The following KCNH8 variants were observed in gnomAD, a reference collection of about 807,000 sequenced individuals.
The protein encoded by KCNH8 is voltage-gated delayed rectifier potassium channel KCNH8.
Under a neutral mutation model 103.6 loss-of-function variants are expected in KCNH8, and 70 were observed. The ratio of observed to expected loss-of-function variants is 0.68; its 90% CI spans 0.56 to 0.82. The LOEUF is 0.82. Ranked by LOEUF, KCNH8 falls within the 40% of genes least tolerant of loss-of-function variation. KCNH8 has a pLI of 0.00. For synonymous variants in KCNH8, 498 were observed against 489.4 expected (o/e 1.02, Z -0.23); for missense variants, 1,217 against 1,329.9 (o/e 0.92, Z 1.32).
intron 11 of KCNH8, among the ~76,000 whole-genome samples, chr3:19,457,933 G>GT (rs1219257822): frequency 6.6e-6 from 1 of 151,980 alleles, no homozygotes; most frequent in Non-Finnish European, 1.5e-5. Context: ...AAGATGACCA[G>GT]TTTTGCATAT....
chr3:19,425,600 T>G (rs2067017541), intron 7 of KCNH8, among the ~76,000 whole-genome samples: 1 of 152,106 alleles, frequency 6.6e-6, no homozygotes, highest in Non-Finnish European at 1.5e-5. Context: ...CCTTCAGTAG[T>G]AGTGGAAGGA....
chr3:19,211,637 G>T (rs1404467444), intron 1 of KCNH8, among the ~76,000 whole-genome samples: 1 of 152,084 alleles, frequency 6.6e-6, no homozygotes, highest in Non-Finnish European at 1.5e-5. Flanking sequence ...TTACTTGCTA[G>T]CTAGCCAGTT....
chr3:19,340,674 A>G lies in KCNH8; in HGVS notation c.443-1913A>G, dbSNP rs969071467. 4.6e-5 allele frequency among the ~76,000 whole-genome samples: 7 copies of G among 152,116 alleles called. No homozygotes were observed. In the East Asian group the frequency reaches 1.3e-3, roughly 29 times the overall value. On this transcript the variant is annotated intron_variant, in intron 3 of 15. Coordinates refer to ENST00000328405, the MANE Select transcript of KCNH8 (RefSeq NM_144633.3). The stretch of plus-strand genomic sequence containing the variant: ...TTGGATTAAAAATTTAAATGTTAAA[A>G]CTTTTTAAAGTAAGGGCAAAGTATA...
chr3:19,483,769 T>G (rs1264537318), intron 11 of KCNH8, among the ~76,000 whole-genome samples: 14 of 152,206 alleles, frequency 9.2e-5, no homozygotes, highest in African/African-American at 3.4e-4. Flanking sequence ...CCCCATCGAT[T>G]CCTAAGGTCA....
chr3:19,442,729 A>G (rs1350068034), intron 8 of KCNH8, among the ~76,000 whole-genome samples: 1 of 152,132 alleles, frequency 6.6e-6, no homozygotes, highest in African/African-American at 2.4e-5. Flanking sequence ...AAAGCTTTTC[A>G]TATTTGTGTT....
At chr3:19,280,434 C>T (rs2064740673) in intron 2 of KCNH8, among the ~76,000 whole-genome samples, 1 of 152,038 alleles carries the variant, frequency 6.6e-6, no homozygotes, top group Admixed American at 6.6e-5. Context: ...ATCACAATTT[C>T]CCCAAAGTAA....
intron 15 of KCNH8, among the ~76,000 whole-genome samples, chr3:19,524,222 C>A (rs1461045783): frequency 6.6e-6 from 1 of 151,798 alleles, no homozygotes; most frequent in East Asian, 1.9e-4. Flanking sequence ...CAGGTCATTC[C>A]AAGATTTGTC....
intron 1 of KCNH8, among the ~76,000 whole-genome samples, chr3:19,210,383 G>T (rs1374464042): frequency 1.3e-5 from 2 of 151,906 alleles, no homozygotes; most frequent in Non-Finnish European, 2.9e-5. Context: ...TTAGCTGTGG[G>T]ATGATTAACA....
At chr3:19,168,011 CTT>C (rs752541967) in intron 1 of KCNH8, among the ~76,000 whole-genome samples, 28 of 135,656 alleles carry the variant, frequency 2.1e-4, no homozygotes, top group Non-Finnish European at 2.6e-4. Context: ...CTCTCCACTT[CTT>C]TTTTTTTTTT....
Position 19,515,182 on chromosome 3 carries a change from C to T in KCNH8, c.2436-140C>T, listed in dbSNP as rs1244646525. 3 of 430,250 alleles carry T rather than the reference C, an allele frequency of 7.0e-6. No homozygotes were observed. The Admixed American group carries it at 1.3e-4, about 19-fold the overall frequency. The allele number at this position is 430,250 out of a possible 1,614,324, so 26.7% of individuals were successfully genotyped here. A position where few individuals can be genotyped will look rare whatever the true frequency, so the allele number is the denominator to read the frequency against. On this transcript the variant is annotated intron_variant, in intron 13 of 15. Transcript: ENST00000328405. ...TCAAGTACTCAATAGCAATATAAGGCTAATGGTTACTATATTGAATAGCTC... is the reference window on the plus strand; with the variant it reads ...TCAAGTACTCAATAGCAATATAAGGTTAATGGTTACTATATTGAATAGCTC...
intron 1 of KCNH8, among the ~76,000 whole-genome samples, chr3:19,207,665 G>C (rs779888638): frequency 5.9e-5 from 9 of 151,870 alleles, no homozygotes; most frequent in Non-Finnish European, 1.3e-4. Context: ...TTTTTATGAC[G>C]TTCCTTTTCA....
chr3:19,379,449 G>C (rs1213272305), intron 5 of KCNH8, among the ~76,000 whole-genome samples: 2 of 152,048 alleles, frequency 1.3e-5, no homozygotes, highest in East Asian at 1.9e-4. Context: ...AGACCATCCT[G>C]GCCAACATGG....
intron 11 of KCNH8, among the ~76,000 whole-genome samples, chr3:19,463,459 A>G (rs2067674870): frequency 6.6e-6 from 1 of 152,136 alleles, no homozygotes; most frequent in Non-Finnish European, 1.5e-5. Flanking sequence ...TGGGCAAAAT[A>G]TATGTACAGG....
intron 1 of KCNH8, among the ~76,000 whole-genome samples, chr3:19,152,193 T>G (rs2063137323): frequency 6.6e-6 from 1 of 152,122 alleles, no homozygotes; most frequent in African/African-American, 2.4e-5. Flanking sequence ...TCTTTTCTGT[T>G]TAGACTTTTG....
intron 3 of KCNH8, among the ~76,000 whole-genome samples, chr3:19,326,914 G>A (rs1575529495): frequency 6.6e-6 from 1 of 152,184 alleles, no homozygotes; most frequent in Admixed American, 6.5e-5. Flanking sequence ...CTTGGAACTT[G>A]GCTGGGGACA....
intron 3 of KCNH8, among the ~76,000 whole-genome samples, chr3:19,330,248 G>A (rs1449274587): frequency 6.6e-6 from 1 of 152,064 alleles, no homozygotes; most frequent in East Asian, 1.9e-4. Flanking sequence ...CAGACCAGAG[G>A]CCAGTTTCTC....
intron 11 of KCNH8, among the ~76,000 whole-genome samples, chr3:19,485,476 A>G (rs1294640754): frequency 2.6e-5 from 4 of 152,216 alleles, no homozygotes; most frequent in African/African-American, 9.6e-5. Context: ...GAGATGTAGA[A>G]GTACTGGCCT....
At chr3:19,289,840 A>C (rs1479622303) in intron 3 of KCNH8, among the ~76,000 whole-genome samples, 1 of 152,152 alleles carries the variant, frequency 6.6e-6, no homozygotes, top group Non-Finnish European at 1.5e-5. Context: ...CTTGGGCAGT[A>C]TGGCCATTTT....
At chr3:19,295,967 C>A (rs561539693) in intron 3 of KCNH8, among the ~76,000 whole-genome samples, 94 of 152,046 alleles carry the variant, frequency 6.2e-4, no homozygotes, top group Non-Finnish European at 1.2e-3. Context: ...GCTTTGCATC[C>A]CAGCTAGCTT....
Sources: allele counts gnomAD v4.1 joint callset (sites outside exome capture counted in the v4.1 genomes callset), GRCh38; gene constraint gnomAD v4.1.1; transcripts MANE v1.5; gene names NCBI Gene and HGNC (gene_info 2026-07-23, HGNC 2026-07-21).